PLEKHG1: variants seen among roughly 807,000 people sequenced by gnomAD.
The protein encoded by PLEKHG1 is pleckstrin homology domain-containing family G member 1.
Under a neutral mutation model 100.8 loss-of-function variants are expected in PLEKHG1, and 44 were observed. The observed-to-expected ratio is 0.44, with a 90% CI of 0.34 to 0.56. The LOEUF is 0.56. Ranked by LOEUF, PLEKHG1 falls within the 20% of genes least tolerant of loss-of-function variation. PLEKHG1 has a pLI of 0.01. For missense variants in PLEKHG1, 1,545 were observed against 1,720.9 expected (o/e 0.90, Z 1.81); for synonymous variants, 640 against 662.5 (o/e 0.97, Z 0.52).
intron 11 of PLEKHG1, among the ~76,000 whole-genome samples, chr6:150,819,177 C>T (rs1297623594): frequency 2.0e-5 from 3 of 148,812 alleles, no homozygotes; most frequent in Non-Finnish European, 4.4e-5. Flanking sequence ...AGCTAATAGA[C>T]TCCTAGAAGT....
In PLEKHG1 at chr6:150,795,738, A is replaced by AAC. The variant is rs938862437; in HGVS notation, c.583-116_583-115dup. ...ACTCCGCCTAAAAAAAAAAACAAAA[A>AAC]ACATATATATATATATATAAATGTC... On this transcript the variant is annotated intron_variant, in intron 4 of 15. Transcript: ENST00000358517. 15 of 411,358 alleles carry AAC rather than the reference A, an allele frequency of 3.6e-5. No homozygotes were observed. In the Admixed American group the frequency reaches 6.7e-4, roughly 18 times the overall value. The allele number at this position is 411,358 out of a possible 1,614,324, so 25.5% of individuals were successfully genotyped here.
intron 3 of PLEKHG1, among the ~76,000 whole-genome samples, chr6:150,676,773 A>C (rs1562429318): frequency 6.6e-6 from 1 of 152,210 alleles, no homozygotes. Context: ...TACATATCTA[A>C]AAATGTAGAA....
At chr6:150,687,642 G>A (rs1170515265) in intron 3 of PLEKHG1, among the ~76,000 whole-genome samples, 2 of 152,124 alleles carry the variant, frequency 1.3e-5, no homozygotes, top group East Asian at 1.9e-4. Context: ...TCTTGCCGAC[G>A]ATGGACCCAT....
chr6:150,723,942 G>C (rs907748723), intron 1 of PLEKHG1, among the ~76,000 whole-genome samples: 1 of 152,210 alleles, frequency 6.6e-6, no homozygotes, highest in African/African-American at 2.4e-5. Flanking sequence ...CCAATGTCTT[G>C]GCTGGAAACA....
rs775310830 is a variant in PLEKHG1, at chr6:150,733,589, C to T, written c.-93C>T. On this transcript the variant is annotated 5_prime_UTR_variant, in exon 2 of 16. Coordinates refer to ENST00000358517, the Ensembl canonical transcript of PLEKHG1. ...ATTTTCTTTAATGCATATAGATGGG[C>T]ACCAGTTGCGTCTTGAAGTGCCATC... 30 of 1,608,962 alleles carry T rather than the reference C, an allele frequency of 1.9e-5. No homozygotes were observed. The African/African-American group carries it at 3.5e-4, about 19-fold the overall frequency.
chr6:150,830,482 C>G (rs796299691), intron 14 of PLEKHG1, 100 bp from the exon 16 acceptor site: 1 of 811,924 alleles, frequency 1.2e-6, no homozygotes, highest in African/African-American at 1.7e-5. Flanking sequence ...AATATTAAAG[C>G]CTAGTGGGGG....
intron 3 of PLEKHG1, among the ~76,000 whole-genome samples, chr6:150,702,664 TTAACATG>T (rs1379789671): frequency 1.3e-5 from 2 of 151,558 alleles, no homozygotes; most frequent in Admixed American, 1.3e-4. Flanking sequence ...GTGTAATCCC[TTAACATG>T]TAGTTATATT....
At chr6:150,787,641 C>T (rs966391130) in intron 4 of PLEKHG1, among the ~76,000 whole-genome samples, 4 of 152,240 alleles carry the variant, frequency 2.6e-5, no homozygotes, top group African/African-American at 9.6e-5. Context: ...GGAGATGTCG[C>T]TCCAGTCTGA....
intron 6 of PLEKHG1, among the ~76,000 whole-genome samples, 159 bp from the exon 8 acceptor site, chr6:150,804,451 C>G (rs866077394): frequency 6.6e-5 from 10 of 150,806 alleles, no homozygotes; most frequent in Admixed American, 6.0e-4. Flanking sequence ...TCCCAAAGTG[C>G]TGGGATTACA....
At chr6:150,638,452 T>C (rs891394527) in intron 2 of PLEKHG1, among the ~76,000 whole-genome samples, 5 of 152,186 alleles carry the variant, frequency 3.3e-5, no homozygotes, top group African/African-American at 9.6e-5. Context: ...CAGAAGCTGA[T>C]TTTTTCCTAA....
Position 150,811,679 on chromosome 6 carries a change from G to A in PLEKHG1, c.1278+1945G>A, listed in dbSNP as rs192041235. 2.2e-3 allele frequency among the ~76,000 whole-genome samples: 333 copies of A among 151,672 alleles called. 1 individual carries two copies. The highest frequency in any genetic ancestry group is 4.7e-3 in the African/African-American group (195 of 41,362). ...AGAATGTATGCGCTGTGTTCAGGGC[G>A]CACAGACGGTGCCAGGATGGGAGGG... On this transcript the variant is annotated intron_variant, in intron 10 of 15. Transcript: ENST00000358517.
At chr6:150,619,748 G>A (rs1310577957) in intron 1 of PLEKHG1, among the ~76,000 whole-genome samples, 3 of 152,100 alleles carry the variant, frequency 2.0e-5, no homozygotes, top group African/African-American at 7.2e-5. Context: ...AAAGAAAAAA[G>A]GTTCTTTTTT....
chr6:150,841,795 A>G (rs1472517461), exon 16 of PLEKHG1: 2 of 152,262 alleles, frequency 1.3e-5, no homozygotes, highest in African/African-American at 4.8e-5. Context: ...AAAGTTAAGC[A>G]TGAGCTAAAA....
At chr6:150,827,096 T>A (rs2128684368) in intron 14 of PLEKHG1, among the ~76,000 whole-genome samples, 1 of 151,838 alleles carries the variant, frequency 6.6e-6, no homozygotes, top group South Asian at 2.1e-4. Context: ...TGTCTCACCA[T>A]GTTGCCCAGG....
chr6:150,696,186 C>A (rs1300398498), intron 3 of PLEKHG1, among the ~76,000 whole-genome samples: 2 of 152,144 alleles, frequency 1.3e-5, no homozygotes, highest in Non-Finnish European at 2.9e-5. Context: ...TCCACATATC[C>A]TTTAAATGAT....
chr6:150,832,116 AG>A lies in PLEKHG1; in HGVS notation c.3006del (p.Glu1002AspfsTer51). 5.0e-6 allele frequency: 8 copies of A among 1,614,082 alleles called. No individual in the cohort carries two copies. Among genetic ancestry groups the A allele is most frequent in the Non-Finnish European group, 6.8e-6 (8 of 1,180,008 alleles). On this transcript the variant is annotated frameshift_variant, in exon 15 of 16. Coordinates refer to ENST00000358517, the Ensembl canonical transcript of PLEKHG1. LOFTEE classifies it high-confidence loss of function. ...TTAAAAGTGAAAAGTCTGGAGCTGG[AG>A]CAGCCGCCGGCCAGTCAGCATCAGA...
At chr6:150,708,644 T>A (rs976888402) in intron 3 of PLEKHG1, among the ~76,000 whole-genome samples, 2 of 152,226 alleles carry the variant, frequency 1.3e-5, no homozygotes, top group African/African-American at 4.8e-5. Flanking sequence ...CATAATTGTA[T>A]ATAAACTTAA....
intron 1 of PLEKHG1, among the ~76,000 whole-genome samples, chr6:150,632,325 T>C (rs1276561594): frequency 2.0e-5 from 3 of 152,228 alleles, no homozygotes; most frequent in African/African-American, 7.2e-5. Flanking sequence ...TAGGGAGTTG[T>C]GATTTTTATA....
intron 3 of PLEKHG1, among the ~76,000 whole-genome samples, chr6:150,694,573 G>A (rs544511072): frequency 1.8e-4 from 28 of 151,862 alleles, no homozygotes; most frequent in African/African-American, 6.3e-4. Context: ...GGGGGTGGGC[G>A]CCTGTAATCC....
Sources: gnomAD v4.1 joint callset for allele counts (sites outside exome capture counted in the v4.1 genomes callset) on GRCh38, gnomAD v4.1.1 for gene constraint, MANE v1.5 for transcripts, NCBI Gene and HGNC (gene_info 2026-07-23, HGNC 2026-07-21) for gene names.